The following TRIM55 variants were observed in gnomAD, a reference collection of about 807,000 sequenced individuals.
TRIM55 encodes tripartite motif containing 55.
A neutral mutation model predicts 60.9 loss-of-function variants in TRIM55; 50 were observed. The observed-to-expected ratio is 0.82, with a 90% CI of 0.65 to 1.04. The LOEUF (loss-of-function observed/expected upper bound fraction) is 1.04, where lower values mean the gene tolerates loss of function less well. Among genes scored for constraint, TRIM55 ranks in the 50% least tolerant of loss-of-function variants. The pLI is 0.00. For synonymous variants in TRIM55, 237 were observed against 238.1 expected, an observed-to-expected ratio of 1.00 and a Z score of 0.04; for missense variants, 681 against 666.9, an observed-to-expected ratio of 1.02 and a Z score of -0.23.
chr8:66,153,151 T>A (rs560051202), intron 8 of TRIM55, among the ~76,000 whole-genome samples: 1 of 152,254 alleles, frequency 6.6e-6, no homozygotes, highest in African/African-American at 2.4e-5. Context: ...CACTAGTTTA[T>A]GTTCCTGTTG....
chr8:66,136,989 C>A, intron 3 of TRIM55, 106 bp from the exon 4 acceptor site: 2 of 867,938 alleles, frequency 2.3e-6, no homozygotes, highest in Non-Finnish European at 3.5e-6. Flanking sequence ...TTAGGGGTTG[C>A]ATGGATCCTA....
At chr8:66,157,366 T>C (rs1229719453) in intron 9 of TRIM55, among the ~76,000 whole-genome samples, 1 of 152,204 alleles carries the variant, frequency 6.6e-6, no homozygotes, top group Non-Finnish European at 1.5e-5. Context: ...AGAAATGGGA[T>C]ATGGGCAGGT....
intron 4 of TRIM55, among the ~76,000 whole-genome samples, chr8:66,147,525 G>C (rs1267003652): frequency 1.3e-5 from 2 of 152,068 alleles, no homozygotes; most frequent in African/African-American, 2.4e-5. Context: ...CGCCAGGATT[G>C]GTGGCTCACG....
At chr8:66,125,827 T>C (rs539729964), upstream of TRIM55, among the ~76,000 whole-genome samples, 5 of 152,322 alleles carry the variant, frequency 3.3e-5, no homozygotes, top group South Asian at 1.0e-3. Flanking sequence ...TGACCTACAC[T>C]TCACTGGTAA....
rs1193772592 is a variant in TRIM55, at chr8:66,143,668, C to T, written c.604-5977C>T. 5.9e-5 allele frequency among the ~76,000 whole-genome samples: 9 copies of T among 151,968 alleles called. No homozygotes were observed. The South Asian group carries it at 1.2e-3, about 21-fold the overall frequency. ...TCTTTGGAACAGAACAAAACTGAAGCTTTTGCATGAAGGCTGAATATTTCT... is the reference window on the plus strand; with the variant it reads ...TCTTTGGAACAGAACAAAACTGAAGTTTTTGCATGAAGGCTGAATATTTCT... On this transcript the variant is annotated intron_variant, in intron 4 of 9. Coordinates refer to ENST00000315962, the MANE Select transcript of TRIM55 (RefSeq NM_184085.2).
In TRIM55 at chr8:66,152,578, C is replaced by T. The variant is rs1210472247; in HGVS notation, c.1187C>T (p.Pro396Leu). The T allele has an allele frequency of 1.2e-6, 2 of 1,614,136 alleles. No individual in the cohort carries two copies. Among genetic ancestry groups the T allele is most frequent in the South Asian group, 2.2e-5 (2 of 91,082 alleles). ...CCTGGGGCACTTCCAGTTTCCTCTCCAGAGCCACCTCCAGCCCTGCCACCT... is the reference window on the plus strand; with the variant it reads ...CCTGGGGCACTTCCAGTTTCCTCTCTAGAGCCACCTCCAGCCCTGCCACCT... ...AAPGALPVSS[P>L]EPPPALPPAA... Residue 396 changes from proline to leucine, a missense_variant, in exon 8 of 10, where the codon CCA becomes CTA. Transcript: ENST00000315962.
At chr8:66,117,453 T>A in the TRIM55 span, among the ~76,000 whole-genome samples, 1 of 152,264 alleles carries the variant, frequency 6.6e-6, no homozygotes, top group Non-Finnish European at 1.5e-5. Context: ...TTAGATTTTT[T>A]AAATGTGGCT....
intron 2 of TRIM55, among the ~76,000 whole-genome samples, chr8:66,130,565 G>GC (rs933161106): frequency 1.4e-4 from 21 of 151,710 alleles, no homozygotes; most frequent in African/African-American, 4.8e-4. Flanking sequence ...AGGGGGTCGG[G>GC]GGGGGTGACC....
At chr8:66,169,168 C>A (rs1364848709) in intron 9 of TRIM55, among the ~76,000 whole-genome samples, 1 of 152,180 alleles carries the variant, frequency 6.6e-6, no homozygotes, top group African/African-American at 2.4e-5. Flanking sequence ...TGTGGCTACC[C>A]AAACTTGTGC....
rs529623080 is a variant in TRIM55, at chr8:66,168,519, C to G, written c.1525-5952C>G. Among the ~76,000 whole-genome samples the G allele has an allele frequency of 3.9e-4, 59 of 152,362 alleles. 1 individual carries two copies. The highest frequency in any genetic ancestry group is 3.4e-3 in the Middle Eastern group (1 of 294). The stretch of plus-strand genomic sequence containing the variant: ...GCTTTGGTTCTCTGACCCAGCCTAG[C>G]AGGTGCAAGATGGATACTGGGTGGT... On this transcript the variant is annotated intron_variant, in intron 9 of 9. Transcript: ENST00000315962.
intron 2 of TRIM55, among the ~76,000 whole-genome samples, chr8:66,134,355 T>C (rs2128974361): frequency 6.6e-6 from 1 of 152,348 alleles, no homozygotes; most frequent in Non-Finnish European, 1.5e-5. Flanking sequence ...TTGCGTCTCA[T>C]ACACATTTGC....
chr8:66,154,263 G>C lies in TRIM55; in HGVS notation c.1453G>C (p.Ala485Pro). 2 of 1,613,198 alleles carry C rather than the reference G, an allele frequency of 1.2e-6. No homozygotes were observed. ...EDSNVRKAEV[A>P]AAAASERAAV... ...TTCGAATGTACGGAAGGCAGAAGTGGCAGCAGCCGCAGCGAGTGAGAGGGC... is the reference window on the plus strand; with the variant it reads ...TTCGAATGTACGGAAGGCAGAAGTGCCAGCAGCCGCAGCGAGTGAGAGGGC... The change falls in exon 9 of 10, where the codon GCA (alanine) becomes CCA (proline). Residue 485 changes from alanine (A) to proline (P), a missense_variant. Coordinates refer to ENST00000315962, the MANE Select transcript of TRIM55 (RefSeq NM_184085.2).
At chr8:66,120,352 A>G in the TRIM55 span, among the ~76,000 whole-genome samples, 1 of 152,170 alleles carries the variant, frequency 6.6e-6, no homozygotes, top group Non-Finnish European at 1.5e-5. Context: ...AGTGACAGAC[A>G]TGCCTTTGTT....
At chr8:66,162,577 T>G (rs1174969389) in intron 9 of TRIM55, among the ~76,000 whole-genome samples, 1 of 151,876 alleles carries the variant, frequency 6.6e-6, no homozygotes, top group Non-Finnish European at 1.5e-5. Context: ...TCTTTTGGAG[T>G]AGGGTCAATA....
chr8:66,162,756 C>T (rs968715960), intron 9 of TRIM55, among the ~76,000 whole-genome samples: 2 of 151,724 alleles, frequency 1.3e-5, no homozygotes, highest in Admixed American at 6.6e-5. Flanking sequence ...TTGATGAAGC[C>T]CAATTTTGTT....
At chr8:66,134,800 C>T (rs1809380482) in intron 2 of TRIM55, among the ~76,000 whole-genome samples, 190 bp from the exon 3 acceptor site, 2 of 152,134 alleles carry the variant, frequency 1.3e-5, no homozygotes, top group Admixed American at 1.3e-4. Context: ...CACTCCCCTG[C>T]TACACCTGCA....
At chr8:66,152,732 G>A (rs928967248) in intron 8 of TRIM55, 105 bp downstream of exon 8, 17 of 1,428,238 alleles carry the variant, frequency 1.2e-5, no homozygotes, top group Non-Finnish European at 1.5e-5. Flanking sequence ...ATAACTATAT[G>A]CCAGACATTC....
At chr8:66,153,340 G>A (rs970648642) in intron 8 of TRIM55, among the ~76,000 whole-genome samples, 47 of 152,192 alleles carry the variant, frequency 3.1e-4, no homozygotes, top group Admixed American at 1.1e-3. Flanking sequence ...TTTCTAATAC[G>A]TCACCGTCCA....
At chr8:66,168,978 G>A (rs535362352) in intron 9 of TRIM55, among the ~76,000 whole-genome samples, 1 of 152,208 alleles carries the variant, frequency 6.6e-6, no homozygotes, top group African/African-American at 2.4e-5. Flanking sequence ...CACAAGACAG[G>A]TAAGCGTTAG....
Sources: gnomAD v4.1 joint callset for allele counts (sites outside exome capture counted in the v4.1 genomes callset) on GRCh38, gnomAD v4.1.1 for gene constraint, MANE v1.5 for transcripts, NCBI Gene and HGNC (gene_info 2026-07-23, HGNC 2026-07-21) for gene names.